ASZ1: variants seen among roughly 807,000 people sequenced by gnomAD.
ASZ1 encodes the protein ankyrin repeat, SAM and basic leucine zipper domain-containing protein 1.
Under a neutral mutation model 61.8 loss-of-function variants are expected in ASZ1, and 67 were observed. The ratio of observed to expected loss-of-function variants is 1.08; its 90% CI spans 0.89 to 1.33. The LOEUF is 1.33. Among genes scored for constraint, ASZ1 ranks in the 40% most tolerant of loss-of-function variants. The pLI, the probability that ASZ1 is intolerant of heterozygous loss-of-function variation, is 0.00. For missense variants in ASZ1, 577 were observed against 554.5 expected, an observed-to-expected ratio of 1.04 and a Z score of -0.41; for synonymous variants, 193 against 192.7, an observed-to-expected ratio of 1.00 and a Z score of -0.01.
chr7:117,406,848 G>C (rs1290734202), intron 4 of ASZ1, among the ~76,000 whole-genome samples: 1 of 152,064 alleles, frequency 6.6e-6, no homozygotes, highest in Non-Finnish European at 1.5e-5. Context: ...AATATTCTAA[G>C]ATTCCTGCAT....
At chr7:117,394,635 A>G (rs1796544212) in intron 4 of ASZ1, among the ~76,000 whole-genome samples, 1 of 152,080 alleles carries the variant, frequency 6.6e-6, no homozygotes, top group Non-Finnish European at 1.5e-5. Context: ...TCTATCTTCC[A>G]TGTTCTCCTT....
At chr7:117,373,029 A>G (rs541983548) in intron 10 of ASZ1, among the ~76,000 whole-genome samples, 1 of 152,240 alleles carries the variant, frequency 6.6e-6, no homozygotes, top group South Asian at 2.1e-4. Context: ...CTTTTACATA[A>G]TATCTTAACA....
chr7:117,427,018 G>A (rs1797233786), intron 1 of ASZ1, 83 bp from the exon 2 acceptor site: 2 of 1,352,196 alleles, frequency 1.5e-6, no homozygotes, highest in Non-Finnish European at 2.0e-6. Flanking sequence ...GTTTGGTTAA[G>A]TACACAGGTT....
At chr7:117,423,795 G>C (rs1360435064) in intron 2 of ASZ1, among the ~76,000 whole-genome samples, 5 of 150,122 alleles carry the variant, frequency 3.3e-5, no homozygotes, top group African/African-American at 9.8e-5. Context: ...ACACGAGGCA[G>C]AGCTTGCAGT....
At chr7:117,381,197 T>C (rs1372201322) in intron 8 of ASZ1, 130 bp from the exon 9 acceptor site, 3 of 679,164 alleles carry the variant, frequency 4.4e-6, no homozygotes, top group Non-Finnish European at 7.5e-6. Context: ...GGGGACAGGA[T>C]ATATACATGC....
intron 3 of ASZ1, 36 bp downstream of exon 3, chr7:117,422,201 T>G (rs762613839): frequency 1.3e-6 from 2 of 1,593,840 alleles, no homozygotes; most frequent in Non-Finnish European, 1.7e-6. Flanking sequence ...GGAATCACAG[T>G]AAGCATAATC....
intron 2 of ASZ1, among the ~76,000 whole-genome samples, chr7:117,425,082 A>G (rs1443285189): frequency 1.3e-5 from 2 of 152,154 alleles, no homozygotes; most frequent in Non-Finnish European, 2.9e-5. Flanking sequence ...CTTGTTTTCA[A>G]AATTATTTAC....
chr7:117,420,064 T>A (rs1797071236), intron 4 of ASZ1, 99 bp downstream of exon 4: 1 of 756,214 alleles, frequency 1.3e-6, no homozygotes, highest in South Asian at 2.1e-5. Context: ...ATTCATCAAC[T>A]ATTTGGCCAA....
At chr7:117,381,156 T>C in intron 8 of ASZ1, 89 bp from the exon 9 acceptor site, 3 of 1,226,588 alleles carry the variant, frequency 2.4e-6, no homozygotes, top group East Asian at 4.8e-5. Context: ...AGTTACTTGC[T>C]TCACTCTGAA....
At chr7:117,401,229 G>A (rs546200096) in intron 4 of ASZ1, among the ~76,000 whole-genome samples, 13 of 152,160 alleles carry the variant, frequency 8.5e-5, no homozygotes, top group Middle Eastern at 6.8e-3. Context: ...AATCTCAATT[G>A]GAGAGGAGAG....
chr7:117,411,346 G>C (rs914207399), intron 4 of ASZ1, among the ~76,000 whole-genome samples: 12 of 151,610 alleles, frequency 7.9e-5, no homozygotes. Context: ...TGATAATGGG[G>C]CAATTTATTA....
At chr7:117,415,954 G>A (rs1246761031) in intron 4 of ASZ1, among the ~76,000 whole-genome samples, 1 of 152,170 alleles carries the variant, frequency 6.6e-6, no homozygotes, top group East Asian at 1.9e-4. Flanking sequence ...ACTTTGGGAG[G>A]CCAAGGCAGG....
intron 2 of ASZ1, among the ~76,000 whole-genome samples, chr7:117,425,942 CG>C (rs1797200419): frequency 6.6e-6 from 1 of 151,682 alleles, no homozygotes; most frequent in Admixed American, 6.6e-5. Flanking sequence ...TTGCAGTGAG[CG>C]AAGATGGTGC....
rs569958044 is a variant in ASZ1, at chr7:117,391,792, A to G, written c.441-5983T>C. On this transcript the variant is annotated intron_variant, in intron 4 of 12. Coordinates refer to ENST00000284629, the MANE Select transcript of ASZ1 (RefSeq NM_130768.3). ...TGTTCAGGTTCTTTTTTGGTTTCAT[A>G]TTTTTTTTTCTTATTTTTTGAGACA... Among the ~76,000 whole-genome samples the G allele has an allele frequency of 3.7e-4, 56 of 150,028 alleles. No individual in the cohort carries two copies. The South Asian group carries it at 0.012, about 32-fold the overall frequency.
At chr7:117,388,949 A>G (rs1322086722) in intron 4 of ASZ1, among the ~76,000 whole-genome samples, 1 of 152,252 alleles carries the variant, frequency 6.6e-6, no homozygotes, top group Non-Finnish European at 1.5e-5. Context: ...TTCAAGAGAA[A>G]TATTTAAAAA....
At chr7:117,408,243 G>A (rs546255459) in intron 4 of ASZ1, among the ~76,000 whole-genome samples, 74 of 152,238 alleles carry the variant, frequency 4.9e-4, no homozygotes, top group Middle Eastern at 3.4e-3. Context: ...AGTATGAGAT[G>A]TCTAAAGACT....
At chr7:117,383,233 G>C (rs1255261314) in intron 6 of ASZ1, 123 bp from the exon 7 acceptor site, 2 of 1,120,436 alleles carry the variant, frequency 1.8e-6, no homozygotes, top group African/African-American at 3.3e-5. Flanking sequence ...AAGTGGGACA[G>C]ATGTTTCACA....
At chr7:117,420,473 A>C (rs1427370635) in intron 3 of ASZ1, among the ~76,000 whole-genome samples, 199 bp from the exon 4 acceptor site, 1 of 152,218 alleles carries the variant, frequency 6.6e-6, no homozygotes, top group Non-Finnish European at 1.5e-5. Flanking sequence ...TCCAAAGTTT[A>C]TCTATAATTC....
intron 10 of ASZ1, among the ~76,000 whole-genome samples, chr7:117,375,036 G>A (rs1796112805): frequency 6.6e-6 from 1 of 152,058 alleles, no homozygotes; most frequent in Admixed American, 6.6e-5. Context: ...CAAAGTTGGG[G>A]AGAGAAAACC....
Sources: allele counts gnomAD v4.1 joint callset (sites outside exome capture counted in the v4.1 genomes callset), GRCh38; gene constraint gnomAD v4.1.1; transcripts MANE v1.5; gene names NCBI Gene and HGNC (gene_info 2026-07-23, HGNC 2026-07-21).